PPP1R12B: variants seen among roughly 807,000 people sequenced by gnomAD.
PPP1R12B encodes myosin phosphatase target subunit 2.
A neutral mutation model predicts 126.1 loss-of-function variants in PPP1R12B; 76 were observed. That is an observed-to-expected ratio of 0.60 (90% confidence interval 0.50 to 0.73). PPP1R12B has a LOEUF of 0.73. PPP1R12B is among the 30% of genes least tolerant of loss of function. The pLI, the probability that PPP1R12B is intolerant of heterozygous loss-of-function variation, is 0.00. For missense variants in PPP1R12B, 1,052 were observed against 1,205.1 expected, an observed-to-expected ratio of 0.87 and a Z score of 1.88; for synonymous variants, 356 against 434.7, an observed-to-expected ratio of 0.82 and a Z score of 2.25.
rs1690017065 is a variant in PPP1R12B at position 202,589,243 on chromosome 1, G to A, written c.*8683G>A. The A allele has an allele frequency of 3.3e-5, 5 of 152,336 alleles. No individual in the cohort carries two copies. In the South Asian group the frequency reaches 8.3e-4, roughly 25 times the overall value. 9.4% of individuals were successfully genotyped at this position (152,336 alleles called of 1,614,324 possible). A position where few individuals can be genotyped will look rare whatever the true frequency, so the allele number is the denominator to read the frequency against. ...TCAGGCCCGCTGGCAGGGTTTGTAC[G>A]TGGGTGGCCAGGTCTGACCCCAGGC... On this transcript the variant is annotated 3_prime_UTR_variant, in exon 24 of 24. Coordinates refer to ENST00000608999, the MANE Select transcript of PPP1R12B (RefSeq NM_002481.4).
rs567480011 is a variant in PPP1R12B, at chr1:202,554,106, A to G, written c.2491-4771A>G. Among the ~76,000 whole-genome samples the G allele has an allele frequency of 2.6e-5, 4 of 152,198 alleles. No homozygotes were observed. In the South Asian group the frequency reaches 8.3e-4, roughly 32 times the overall value. On this transcript the variant is annotated intron_variant, in intron 18 of 23. Transcript: ENST00000608999. ...CCCATCTTCTCTCTCCCTAAATCCA[A>G]CTAGTGTTTTTTCATCAAACCCCGG...
intron 22 of PPP1R12B, among the ~76,000 whole-genome samples, chr1:202,568,405 G>GA (rs1378049018): frequency 5.9e-5 from 9 of 152,176 alleles, no homozygotes; most frequent in Admixed American, 5.9e-4. Context: ...CTTGGATTGG[G>GA]AAAATTCAAT....
chr1:202,575,658 T>C (rs565637176), intron 23 of PPP1R12B: 7 of 152,664 alleles, frequency 4.6e-5, no homozygotes, highest in Non-Finnish European at 1.0e-4. Flanking sequence ...GCTTTTAACG[T>C]ATACCTATGG....
Position 202,562,908 on chromosome 1 carries a change from A to G in PPP1R12B, c.2638A>G (p.Arg880Gly). 1 of 1,575,860 alleles carries G rather than the reference A, an allele frequency of 6.3e-7. No individual in the cohort carries two copies. Among genetic ancestry groups the G allele is most frequent in the African/African-American group, 1.4e-5 (1 of 72,756 alleles). ...LTSRVEEDSN[R>G]DYKKLYESAL... Reference sequence around the variant, plus strand: ...CAGCCGTGTAGAAGAAGACAGCAACAGAGATTATAAAAAAGTAGGGTCTTT... The same window carrying G: ...CAGCCGTGTAGAAGAAGACAGCAACGGAGATTATAAAAAAGTAGGGTCTTT... Residue 880 changes from arginine (R) to glycine (G), a missense_variant, in exon 20 of 24, where the codon AGA becomes GGA. Arg to Gly is a moderately radical substitution (Grantham distance 125). Coordinates refer to ENST00000608999, the MANE Select transcript of PPP1R12B (RefSeq NM_002481.4).
chr1:202,374,991 G>T (rs183131749), intron 1 of PPP1R12B, among the ~76,000 whole-genome samples: 3 of 152,114 alleles, frequency 2.0e-5, no homozygotes, highest in Admixed American at 6.6e-5. Flanking sequence ...CGCCCAGGCC[G>T]AAGTGAGATG....
chr1:202,479,640 C>G (rs1445341285), intron 13 of PPP1R12B, among the ~76,000 whole-genome samples: 1 of 152,128 alleles, frequency 6.6e-6, no homozygotes, highest in East Asian at 1.9e-4. Context: ...AGAAATAGAC[C>G]AGCCCTTGAA....
In PPP1R12B at chr1:202,422,747, A is replaced by G. The variant is rs1378516657; in HGVS notation, c.541+9A>G. On this transcript the variant is annotated intron_variant, in intron 3 of 23. Coordinates refer to ENST00000608999, the MANE Select transcript of PPP1R12B (RefSeq NM_002481.4). ...GCAAGTAAAGAAGCAAGGTAACCTC[A>G]TGGATTGGAGGGGGCCAGGAAAGAT... is the stretch of plus-strand genomic sequence containing the variant. The G allele has an allele frequency of 8.1e-6, 13 of 1,613,432 alleles. No homozygotes were observed. Among genetic ancestry groups the G allele is most frequent in the Admixed American group, 5.0e-5 (3 of 59,978 alleles).
At chr1:202,421,845 T>A (rs1238221101) in intron 2 of PPP1R12B, among the ~76,000 whole-genome samples, 1 of 152,178 alleles carries the variant, frequency 6.6e-6, no homozygotes, top group Non-Finnish European at 1.5e-5. Flanking sequence ...ATGAACTAGA[T>A]TTGAAGTCAA....
At chr1:202,374,031 A>G (rs1331811848) in intron 1 of PPP1R12B, among the ~76,000 whole-genome samples, 1 of 152,204 alleles carries the variant, frequency 6.6e-6, no homozygotes, top group Non-Finnish European at 1.5e-5. Flanking sequence ...TATTGGGATG[A>G]TGTCTCACAT....
intron 1 of PPP1R12B, among the ~76,000 whole-genome samples, chr1:202,360,424 A>G (rs1304985472): frequency 6.6e-6 from 1 of 152,128 alleles, no homozygotes; most frequent in African/African-American, 2.4e-5. Flanking sequence ...AAAAATGTAA[A>G]TTGGCCGGGT....
chr1:202,469,576 C>T (rs570605057), intron 13 of PPP1R12B, among the ~76,000 whole-genome samples: 1 of 152,192 alleles, frequency 6.6e-6, no homozygotes, highest in African/African-American at 2.4e-5. Context: ...ATCTTGATTA[C>T]AGTGACGGTT....
At chr1:202,540,180 A>G in intron 18 of PPP1R12B, 1 of 1,610,940 alleles carries the variant, frequency 6.2e-7, no homozygotes, top group Non-Finnish European at 8.5e-7. Context: ...TTCACTCGGA[A>G]TAGGAAATCT....
intron 1 of PPP1R12B, among the ~76,000 whole-genome samples, chr1:202,384,309 T>C (rs1284202092): frequency 2.0e-5 from 3 of 152,142 alleles, no homozygotes; most frequent in Non-Finnish European, 4.4e-5. Context: ...CAAATGTCCA[T>C]CAACTGATGA....
intron 1 of PPP1R12B, among the ~76,000 whole-genome samples, chr1:202,396,997 T>C (rs1349460837): frequency 6.6e-6 from 1 of 152,198 alleles, no homozygotes; most frequent in African/African-American, 2.4e-5. Flanking sequence ...TTTCTTTTTA[T>C]GTGAATGCTT....
chr1:202,462,725 C>G, intron 13 of PPP1R12B: 5 of 965,426 alleles, frequency 5.2e-6, no homozygotes, highest in Non-Finnish European at 6.2e-6. Flanking sequence ...GTTGATTTTC[C>G]CATGTTAGAA....
At chr1:202,441,078 G>A (rs1019935710) in intron 11 of PPP1R12B, among the ~76,000 whole-genome samples, 1 of 152,146 alleles carries the variant, frequency 6.6e-6, no homozygotes, top group Admixed American at 6.5e-5. Flanking sequence ...TAAAGGTAGG[G>A]TCTGAGTCTG....
intron 13 of PPP1R12B, among the ~76,000 whole-genome samples, chr1:202,452,232 C>T (rs1401468833): frequency 6.6e-6 from 1 of 152,138 alleles, no homozygotes. Flanking sequence ...GAGCCGAGAT[C>T]ACGCCACTGC....
At chr1:202,561,711 G>A (rs925280635) in intron 19 of PPP1R12B, among the ~76,000 whole-genome samples, 3 of 152,152 alleles carry the variant, frequency 2.0e-5, no homozygotes, top group African/African-American at 4.8e-5. Context: ...AACAAAAGAA[G>A]AAGAAAAAGA....
At chr1:202,489,603 C>T (rs757823702) in intron 14 of PPP1R12B, among the ~76,000 whole-genome samples, 3 of 152,252 alleles carry the variant, frequency 2.0e-5, no homozygotes, top group Non-Finnish European at 4.4e-5. Flanking sequence ...AAGCCAGACA[C>T]AAAACACTCC....
Sources: allele counts gnomAD v4.1 joint callset (sites outside exome capture counted in the v4.1 genomes callset), GRCh38; gene constraint gnomAD v4.1.1; transcripts MANE v1.5; gene names NCBI Gene and HGNC (gene_info 2026-07-23, HGNC 2026-07-21).